FANCD2: variants seen among roughly 807,000 people sequenced by gnomAD.
The protein encoded by FANCD2 is FA complementation group D2.
Under a neutral mutation model 192.3 loss-of-function variants are expected in FANCD2, and 131 were observed. The observed-to-expected ratio is 0.68, with a 90% CI of 0.59 to 0.79. The LOEUF (loss-of-function observed/expected upper bound fraction) is 0.79. FANCD2 is among the 30% of genes least tolerant of loss of function. The pLI is 0.00. For missense variants in FANCD2, 1,508 were observed against 1,701.6 expected (o/e 0.89, Z 2.00); for synonymous variants, 524 against 612.5 (o/e 0.86, Z 2.13).
intron 18 of FANCD2, among the ~76,000 whole-genome samples, chr3:10,055,641 T>C (rs1458751127): frequency 5.9e-5 from 9 of 151,914 alleles, no homozygotes; most frequent in Middle Eastern, 3.4e-3. Context: ...TGAAACCCCG[T>C]CTTTACTAAA....
At position 10,049,291 on chromosome 3, in the gene FANCD2, T is replaced by C. The variant is rs2087124855; in HGVS notation, c.1414-83T>C. 33 of 1,339,208 alleles carry C rather than the reference T, an allele frequency of 2.5e-5. 4 individuals carry two copies. The South Asian group carries it at 3.9e-4, about 16-fold the overall frequency. 83.0% of individuals were successfully genotyped at this position (1,339,208 alleles called of 1,614,324 possible). On this transcript the variant is annotated intron_variant, in intron 16 of 43. Transcript: ENST00000675286. ...ATTGTGATTTTAACAAAGTAGAGATTGGAGAGGCCTTGGGGGTGAATCCCT... is the reference window on the plus strand; with the variant it reads ...ATTGTGATTTTAACAAAGTAGAGATCGGAGAGGCCTTGGGGGTGAATCCCT...
intron 18 of FANCD2, among the ~76,000 whole-genome samples, chr3:10,056,034 A>C (rs2087401585): frequency 6.6e-6 from 1 of 151,160 alleles, no homozygotes; most frequent in South Asian, 2.1e-4. Flanking sequence ...ACGCACCACC[A>C]CTCCCGGCTG....
intron 13 of FANCD2, 106 bp downstream of exon 13, chr3:10,043,698 G>A (rs1354795092): frequency 3.8e-6 from 5 of 1,310,694 alleles, no homozygotes; most frequent in Middle Eastern, 1.8e-4. Flanking sequence ...TCATTCAAGT[G>A]GAAATGATAG....
Position 10,039,224 on chromosome 3 carries a change from C to T in FANCD2, c.492-55C>T, listed in dbSNP as rs1455680106. 7.0e-6 allele frequency: 9 copies of T among 1,292,236 alleles called. No homozygotes were observed. In the African/African-American group the frequency reaches 1.3e-4, roughly 19 times the overall value. The allele number at this position is 1,292,236 out of a possible 1,614,324, so 80.0% of individuals were successfully genotyped here. ...ATATTTTGTGCAGTATTAATGCTTG[C>T]TGTTATTTTGACCAGAAAGGCTCAG... On this transcript the variant is annotated intron_variant, in intron 7 of 43. Coordinates refer to ENST00000675286, the MANE Select transcript of FANCD2 (RefSeq NM_001018115.3).
intron 32 of FANCD2, among the ~76,000 whole-genome samples, chr3:10,084,709 TGAAAG>T (rs1462088161): frequency 2.0e-5 from 3 of 152,172 alleles, no homozygotes; most frequent in Non-Finnish European, 2.9e-5. Flanking sequence ...ATACATTTGT[TGAAAG>T]GAAGAATGAC....
intron 7 of FANCD2, 141 bp from the exon 8 acceptor site, chr3:10,039,138 G>A (rs2086800322): frequency 1.8e-6 from 1 of 550,352 alleles, no homozygotes; most frequent in East Asian, 2.9e-5. Context: ...TATCACTTGT[G>A]TGTCTAGTGC....
chr3:10,041,836 A>T, intron 10 of FANCD2, 126 bp downstream of exon 10: 2 of 670,382 alleles, frequency 3.0e-6, no homozygotes, highest in Non-Finnish European at 5.3e-6. Flanking sequence ...CACATTTGAT[A>T]TCTCTCTTTT....
At chr3:10,037,762 A>G (rs2086767155) in intron 7 of FANCD2, 1 of 152,246 alleles carries the variant, frequency 6.6e-6, no homozygotes, top group African/African-American at 2.4e-5. Flanking sequence ...TTAATATCAT[A>G]CATTAATTGA....
chr3:10,086,316 C>G (rs7432976), intron 33 of FANCD2, among the ~76,000 whole-genome samples: 11 of 152,102 alleles, frequency 7.2e-5, no homozygotes, highest in Non-Finnish European at 1.3e-4. Flanking sequence ...CCTTATGTGG[C>G]TGAGGGGTAG....
intron 26 of FANCD2, among the ~76,000 whole-genome samples, chr3:10,070,526 G>C (rs1693166678): frequency 8.2e-6 from 1 of 121,590 alleles, no homozygotes; most frequent in African/African-American, 3.8e-5. Flanking sequence ...CCCCCTGTCC[G>C]GCCAGCCGCC....
chr3:10,060,493 G>T (rs2087534870), intron 19 of FANCD2, 90 bp downstream of exon 19: 1 of 985,906 alleles, frequency 1.0e-6, no homozygotes. Flanking sequence ...TTTAGCAGTA[G>T]AAGTTACAAC....
intron 37 of FANCD2, among the ~76,000 whole-genome samples, chr3:10,091,715 A>G (rs1694621830): frequency 6.6e-6 from 1 of 151,824 alleles, no homozygotes; most frequent in Non-Finnish European, 1.5e-5. Context: ...GAACTCTTTG[A>G]AAAAAAATCC....
chr3:10,062,452 C>T (rs771879222), intron 20 of FANCD2, among the ~76,000 whole-genome samples: 7 of 151,796 alleles, frequency 4.6e-5, no homozygotes, highest in Admixed American at 1.3e-4. Context: ...ATGTTGGCCC[C>T]GCTGGTCCTG....
chr3:10,070,955 C>A (rs899180942), intron 26 of FANCD2, among the ~76,000 whole-genome samples: 6 of 146,432 alleles, frequency 4.1e-5, no homozygotes, highest in African/African-American at 1.5e-4. Context: ...ATCATCACCA[C>A]TCCCTAATCT....
intron 15 of FANCD2, among the ~76,000 whole-genome samples, chr3:10,047,123 A>G (rs2087041384): frequency 6.6e-6 from 1 of 152,302 alleles, no homozygotes; most frequent in South Asian, 2.1e-4. Context: ...GGATATTAGC[A>G]GTATAGAACT....
At chr3:10,088,729 A>C in intron 35 of FANCD2, 99 bp from the exon 36 acceptor site, 2 of 1,337,076 alleles carry the variant, frequency 1.5e-6, no homozygotes, top group Non-Finnish European at 2.1e-6. Flanking sequence ...CTGTTAGCTA[A>C]CTGCTTATTG....
chr3:10,061,481 T>C (rs1389934978), intron 19 of FANCD2, among the ~76,000 whole-genome samples: 2 of 152,178 alleles, frequency 1.3e-5, no homozygotes, highest in Non-Finnish European at 2.9e-5. Context: ...CTGGCTCCAT[T>C]GTTTATTAGC....
chr3:10,065,438 G>T lies in FANCD2; in HGVS notation c.2213G>T (p.Arg738Ile), dbSNP rs1292669998. Residue 738 changes from arginine (R) to isoleucine (I), a missense_variant, in exon 24 of 44, where the codon AGA becomes ATA. Transcript: ENST00000675286. The stretch of plus-strand genomic sequence containing the variant: ...CTGGCTCCGTATTTCCGGTTACTGA[G>T]ACTTTGTGTGGAGAGACAGCATAAC... ...LCLAPYFRLL[R>I]LCVERQHNGN... is the part of the protein sequence containing the mutation. 2 of 1,614,070 alleles carry T rather than the reference G, an allele frequency of 1.2e-6. No individual in the cohort carries two copies. The highest frequency in any genetic ancestry group is 1.1e-5 in the South Asian group (1 of 91,068).
chr3:10,028,759 C>T, intron 2 of FANCD2, 38 bp downstream of exon 2: 4 of 1,543,278 alleles, frequency 2.6e-6, no homozygotes, highest in South Asian at 1.1e-5. Context: ...TTTCCTGTAG[C>T]AATGTGTGAG....
Sources: gnomAD v4.1 joint callset for allele counts (sites outside exome capture counted in the v4.1 genomes callset) on GRCh38, gnomAD v4.1.1 for gene constraint, MANE v1.5 for transcripts, NCBI Gene and HGNC (gene_info 2026-07-23, HGNC 2026-07-21) for gene names.